Variants in COL5A3 observed in about 807,000 individuals in gnomAD.
The protein encoded by COL5A3 is collagen type V alpha 3 chain.
COL5A3 carries 172 observed loss-of-function variants against 250.0 expected under a neutral mutation model. That is an observed-to-expected ratio of 0.69 (90% CI 0.61 to 0.78). The LOEUF (loss-of-function observed/expected upper bound fraction) is 0.78. Among genes scored for constraint, COL5A3 ranks in the 30% least tolerant of loss-of-function variants. COL5A3 has a pLI of 0.00. For synonymous variants in COL5A3, 937 were observed against 900.4 expected, an observed-to-expected ratio of 1.04 and a Z score of -0.73; for missense variants, 2,340 against 2,334.4, an observed-to-expected ratio of 1.00 and a Z score of -0.05.
chr19:9,967,721 A>C (rs1447587965), intron 61 of COL5A3, 183 bp downstream of exon 61: 3 of 603,848 alleles, frequency 5.0e-6, no homozygotes, highest in South Asian at 5.6e-5. Flanking sequence ...ATAATGGTAC[A>C]TCTTATAATT....
At chr19:9,981,983 C>T in intron 32 of COL5A3, 82 bp downstream of exon 32, 3 of 1,060,182 alleles carry the variant, frequency 2.8e-6, no homozygotes, top group Non-Finnish European at 4.4e-6. Flanking sequence ...CACCCAGGGT[C>T]CACCCATCAT....
Position 10,006,271 on chromosome 19 carries a change from G to C in COL5A3, c.89-40C>G. The stretch of plus-strand genomic sequence containing the variant: ...AGCCGGGGGTGTCAGGCAGAGGTGG[G>C]GAACAGCTAGAATAAGCCCAGGACT... On this transcript the variant is annotated intron_variant, in intron 1 of 66. Coordinates refer to ENST00000264828, the MANE Select transcript of COL5A3 (RefSeq NM_015719.4). 3.2e-6 allele frequency: 5 copies of C among 1,549,114 alleles called. No homozygotes were observed. In the South Asian group the frequency reaches 4.7e-5, roughly 15 times the overall value.
At chr19:9,963,186 G>A (rs1437559071) in intron 64 of COL5A3, among the ~76,000 whole-genome samples, 1 of 152,044 alleles carries the variant, frequency 6.6e-6, no homozygotes, top group Non-Finnish European at 1.5e-5. Context: ...GTGGGATTGA[G>A]CTCTGGGTCT....
At chr19:9,962,565 G>C (rs2086688422) in intron 65 of COL5A3, among the ~76,000 whole-genome samples, 1 of 152,060 alleles carries the variant, frequency 6.6e-6, no homozygotes, top group Non-Finnish European at 1.5e-5. Context: ...GAAGCCTTCT[G>C]GTCTTTCCAA....
intron 34 of COL5A3, 29 bp downstream of exon 34, chr19:9,980,777 G>C (rs753838269): frequency 1.1e-5 from 18 of 1,613,330 alleles, no homozygotes; most frequent in Middle Eastern, 3.3e-4. Flanking sequence ...TGGGGCATGG[G>C]GGGCCTTGAT....
intron 16 of COL5A3, among the ~76,000 whole-genome samples, chr19:9,994,050 G>A (rs2087235965): frequency 6.6e-6 from 1 of 151,928 alleles, no homozygotes; most frequent in Non-Finnish European, 1.5e-5. Context: ...AGAGATGGTG[G>A]GGGTTTCACC....
intron 53 of COL5A3, 120 bp downstream of exon 53, chr19:9,970,855 C>G (rs564016483): frequency 9.1e-7 from 1 of 1,099,182 alleles, no homozygotes; most frequent in Non-Finnish European, 1.3e-6. Flanking sequence ...AGAGGTGAAG[C>G]GGGAGCATCT....
Position 9,969,610 on chromosome 19 carries a change from C to A in COL5A3, c.4063G>T (p.Gly1355Trp), listed in dbSNP as rs745582638. The A allele has an allele frequency of 6.2e-7, 1 of 1,605,316 alleles. No individual in the cohort carries two copies. ...GGGATCCCTCGAAGACCCTCAGGCC[C>A]CACACGTCCAGGGGGCCCTCTAGCC... ...MGARGPPGRV[G>W]PEGLRGIPGP... is the part of the protein sequence containing the mutation. The change falls in exon 56 of 67, where the codon GGG becomes TGG. Residue 1355 changes from glycine (G) to tryptophan (W), a missense_variant. Gly to Trp is a radical substitution (Grantham distance 184). Coordinates refer to ENST00000264828, the MANE Select transcript of COL5A3 (RefSeq NM_015719.4).
chr19:9,966,313 C>T lies in COL5A3; in HGVS notation c.4782+1G>A, dbSNP rs1300392737. The T allele has an allele frequency of 1.2e-5, 19 of 1,604,084 alleles. No individual in the cohort carries two copies. Among genetic ancestry groups the T allele is most frequent in the Non-Finnish European group, 1.5e-5 (18 of 1,174,162 alleles). On this transcript the variant is annotated splice_donor_variant, in intron 64 of 66. Coordinates refer to ENST00000264828, the MANE Select transcript of COL5A3 (RefSeq NM_015719.4). LOFTEE classifies it high-confidence loss of function. ...GGCGATGAGAGGTTTGGGTTACTCA[C>T]GATCTCAAACTTCTTGTCGGGATAG...
rs763521467 is a variant in COL5A3, at chr19:9,967,327, C to T, written c.4458+20G>A. ...CCCCCAGGTTTTGGTGTCCATTCCCCCGCCCCCCGGGGAACTCACCGGGGG... is the reference window on the plus strand; with the variant it reads ...CCCCCAGGTTTTGGTGTCCATTCCCTCGCCCCCCGGGGAACTCACCGGGGG... On this transcript the variant is annotated intron_variant, in intron 62 of 66. Transcript: ENST00000264828. 5 of 1,412,878 alleles carry T rather than the reference C, an allele frequency of 3.5e-6. No homozygotes were observed. Among genetic ancestry groups the T allele is most frequent in the Non-Finnish European group, 4.6e-6 (5 of 1,089,438 alleles). 87.5% of individuals were successfully genotyped at this position (1,412,878 alleles called of 1,614,324 possible).
At chr19:9,963,565 G>GC (rs2086700578) in intron 64 of COL5A3, among the ~76,000 whole-genome samples, 1 of 121,376 alleles carries the variant, frequency 8.2e-6, no homozygotes, top group Non-Finnish European at 1.7e-5. Flanking sequence ...TTTTTTTGGG[G>GC]GGGGGGGCGG....
At position 9,960,666 on chromosome 19, in the gene COL5A3, G is replaced by C; in HGVS notation, c.5076C>G (p.Pro1692=). 8.1e-6 allele frequency: 13 copies of C among 1,613,860 alleles called. No individual in the cohort carries two copies. Among genetic ancestry groups the C allele is most frequent in the Non-Finnish European group, 1.1e-5 (13 of 1,180,010 alleles). Residue 1692 remains proline (P), a synonymous_variant, in exon 66 of 67, where the codon CCC becomes CCG. Transcript: ENST00000264828. ...ACCCTCTTACCCGGCAGCCATCCTG[G>C]GGGACGCTGACAGTGGCTGCTGTCG... is the stretch of plus-strand genomic sequence containing the variant. ...NQTTAATVSV[P]QDGCRLRKGQ...
intron 10 of COL5A3, among the ~76,000 whole-genome samples, chr19:9,997,771 T>A (rs939097163): frequency 6.6e-6 from 1 of 152,094 alleles, no homozygotes; most frequent in Non-Finnish European, 1.5e-5. Context: ...TTTAAAAAAA[T>A]ATATGGCTAT....
rs1464340058 is a variant in COL5A3 at position 9,980,814 on chromosome 19, C to T, written c.2551G>A (p.Gly851Ser). The change falls in exon 34 of 67, where the codon GGC (glycine) becomes AGC (serine). Residue 851 changes from glycine (G) to serine (S), a missense_variant. Gly to Ser is a moderately conservative substitution (Grantham distance 56). Transcript: ENST00000264828. The part of the protein sequence containing the change: ...RGQPGATGQP[G>S]PKGDVGQDGA... Reference sequence around the variant, plus strand: ...GCCCACCCATCCCATACCTTGGGGCCTGGTTGCCCTGTGGCACCCGGTTGC... The same window carrying T: ...GCCCACCCATCCCATACCTTGGGGCTTGGTTGCCCTGTGGCACCCGGTTGC... The T allele has an allele frequency of 1.2e-5, 19 of 1,612,744 alleles. No individual in the cohort carries two copies. The highest frequency in any genetic ancestry group is 1.7e-5 in the Admixed American group (1 of 59,852).
In COL5A3 at chr19:9,974,377, G is replaced by T; in HGVS notation, c.3374C>A (p.Pro1125His). The T allele has an allele frequency of 6.2e-7, 1 of 1,610,370 alleles. No individual in the cohort carries two copies. The change falls in exon 46 of 67, where the codon CCC becomes CAC. Residue 1125 changes from proline to histidine, a missense_variant. Pro to His is a moderately conservative substitution (Grantham distance 77, BLOSUM62 -2). Around this residue, in one of 3 missense-constraint regions of COL5A3, gnomAD observed 1,179 missense variants for 1,162.6 expected, o/e 1.01. Transcript: ENST00000264828. ...GADGAQGRRG[P>H]PGLFGQKGDD... is the part of the protein sequence containing the mutation. The stretch of plus-strand genomic sequence containing the variant: ...TCCTTTCTGCCCAAAGAGGCCTGGG[G>T]GTCCCCGGCGCCCCTGAGCCCCGTC...
rs375563256 is a variant in COL5A3 at position 9,993,592 on chromosome 19, C to A, written c.1695+27G>T. Reference sequence around the variant, plus strand: ...TTGAATATTGGGAGGAGGGCTTAGACTTGGGGGAGGGACCTCACACACTCA... The same window carrying A: ...TTGAATATTGGGAGGAGGGCTTAGAATTGGGGGAGGGACCTCACACACTCA... On this transcript the variant is annotated intron_variant, in intron 18 of 66. Coordinates refer to ENST00000264828, the MANE Select transcript of COL5A3 (RefSeq NM_015719.4). 4 of 1,612,972 alleles carry A rather than the reference C, an allele frequency of 2.5e-6. No homozygotes were observed. In the African/African-American group the frequency reaches 5.3e-5, roughly 22 times the overall value.
chr19:9,974,033 T>A, intron 47 of COL5A3, 61 bp from the exon 48 acceptor site: 1 of 1,518,330 alleles, frequency 6.6e-7, no homozygotes, highest in South Asian at 1.3e-5. Flanking sequence ...AAGGCCACAT[T>A]GACCACAGAT....
In COL5A3 at chr19:9,966,431, C is replaced by T. The variant is rs971817423; in HGVS notation, c.4670-5G>A. The T allele has an allele frequency of 3.1e-6, 5 of 1,590,628 alleles. No homozygotes were observed. The highest frequency in any genetic ancestry group is 1.7e-5 in the Admixed American group (1 of 58,726). On this transcript the variant is annotated splice_region_variant and splice_polypyrimidine_tract_variant and intron_variant, in intron 63 of 66. Coordinates refer to ENST00000264828, the MANE Select transcript of COL5A3 (RefSeq NM_015719.4). ...TGGGGTCAATCCAGTATTCCCCTGC[C>T]GCAGAGCCAGGCAGGGTGGGTGAGT...
rs753864854 is a variant in COL5A3 at position 9,993,073 on chromosome 19, G to A, written c.1750-6C>T. ...CCTGGAGGTCCCTCTGCTCCCTGTGGAAAAGCGTCATTACTTGGGAACAGG... is the reference window on the plus strand; with the variant it reads ...CCTGGAGGTCCCTCTGCTCCCTGTGAAAAAGCGTCATTACTTGGGAACAGG... On this transcript the variant is annotated splice_polypyrimidine_tract_variant and splice_region_variant and intron_variant, in intron 19 of 66. Coordinates refer to ENST00000264828, the MANE Select transcript of COL5A3 (RefSeq NM_015719.4). The A allele has an allele frequency of 1.2e-5, 19 of 1,613,710 alleles. No homozygotes were observed. The highest frequency in any genetic ancestry group is 1.4e-5 in the Non-Finnish European group (16 of 1,179,858).
Sources: gnomAD v4.1 joint callset for allele counts (sites outside exome capture counted in the v4.1 genomes callset) on GRCh38, gnomAD v4.1.1 for gene constraint, gnomAD v4.1.1 regional missense constraint, MANE v1.5 for transcripts, NCBI Gene and HGNC (gene_info 2026-07-23, HGNC 2026-07-21) for gene names.